LIMA1: variants seen among roughly 807,000 people sequenced by gnomAD.
LIMA1 encodes the protein LIM domain and actin-binding protein 1.
In LIMA1, 52 loss-of-function variants were observed where a neutral mutation model predicts 62.6. That is an observed-to-expected ratio of 0.83 (90% CI 0.67 to 1.05). LIMA1 has a LOEUF of 1.05. Ranked by LOEUF, LIMA1 falls within the 50% of genes least tolerant of loss-of-function variation. LIMA1 has a pLI of 0.00. For synonymous variants in LIMA1, 302 were observed against 317.8 expected (o/e 0.95, Z 0.53); for missense variants, 780 against 902.2 (o/e 0.86, Z 1.74).
At chr12:50,190,650 G>A (rs563288727) in intron 9 of LIMA1, among the ~76,000 whole-genome samples, 1 of 139,618 alleles carries the variant, frequency 7.2e-6, no homozygotes, top group African/African-American at 2.6e-5. Flanking sequence ...AAAGTGCTGG[G>A]ATTACAGGCG....
intron 9 of LIMA1, chr12:50,186,971 C>T (rs1326588790): frequency 2.6e-5 from 4 of 152,184 alleles, no homozygotes; most frequent in Non-Finnish European, 5.9e-5. Flanking sequence ...TGAAATTAAT[C>T]CCACGACAGC....
intron 9 of LIMA1, chr12:50,186,531 C>T (rs1940634321): frequency 6.5e-6 from 1 of 152,680 alleles, no homozygotes; most frequent in Admixed American, 6.6e-5. Flanking sequence ...GATTATCCCT[C>T]ATAAAGGGGT....
At chr12:50,231,745 A>G in intron 2 of LIMA1, 35 bp from the exon 3 acceptor site, 1 of 1,590,540 alleles carries the variant, frequency 6.3e-7, no homozygotes, top group Non-Finnish European at 8.6e-7. Context: ...GTCTCAAATT[A>G]AACTTATATT....
In LIMA1 at chr12:50,201,619, G is replaced by A. The variant is rs148561571; in HGVS notation, c.865-735C>T. ...TACATCTAAAATCAACATAGAACCT[G>A]GGTGCAGTGGCTCACGCCTGTAATC... On this transcript the variant is annotated intron_variant, in intron 6 of 10. Transcript: ENST00000341247. 5.8e-4 allele frequency: 452 copies of A among 778,948 alleles called. 5 individuals carry two copies. The East Asian group carries it at 0.044, about 75-fold the overall frequency. 48.3% of individuals were successfully genotyped at this position (778,948 alleles called of 1,614,324 possible).
intron 1 of LIMA1, 61 bp from the exon 2 acceptor site, chr12:50,248,835 T>C (rs1941888263): frequency 2.3e-6 from 2 of 861,462 alleles, no homozygotes; most frequent in East Asian, 2.4e-5. Context: ...CATCCAAGGA[T>C]TGGCAGTGGT....
intron 5 of LIMA1, among the ~76,000 whole-genome samples, 193 bp downstream of exon 5, chr12:50,205,791 T>C (rs1235264726): frequency 1.7e-5 from 2 of 115,930 alleles, no homozygotes; most frequent in African/African-American, 3.5e-5. Flanking sequence ...TCAACTTCCG[T>C]CTCAAAAAAA....
At chr12:50,245,963 G>A (rs918642117) in intron 2 of LIMA1, among the ~76,000 whole-genome samples, 7 of 151,852 alleles carry the variant, frequency 4.6e-5, no homozygotes, top group African/African-American at 1.7e-4. Flanking sequence ...GCCGGGCGTG[G>A]TGGCTCACGC....
At chr12:50,246,661 A>G (rs1307427672) in intron 2 of LIMA1, among the ~76,000 whole-genome samples, 1 of 152,170 alleles carries the variant, frequency 6.6e-6, no homozygotes, top group Non-Finnish European at 1.5e-5. Flanking sequence ...ACCTTAGCAG[A>G]GCATCCGAGG....
At chr12:50,197,069 TTTGC>T (rs1486755334) in intron 7 of LIMA1, among the ~76,000 whole-genome samples, 1 of 145,120 alleles carries the variant, frequency 6.9e-6, no homozygotes, top group Non-Finnish European at 1.5e-5. Flanking sequence ...TGAGGTAATC[TTTGC>T]TTTTTTTTTT....
intron 1 of LIMA1, among the ~76,000 whole-genome samples, chr12:50,255,897 AT>A (rs535577778): frequency 4.0e-5 from 6 of 149,576 alleles, no homozygotes; most frequent in African/African-American, 4.9e-5. Context: ...ATAGTTATTT[AT>A]TTTTTTTTTG....
chr12:50,202,300 A>C (rs1941067637), intron 6 of LIMA1, among the ~76,000 whole-genome samples: 1 of 152,192 alleles, frequency 6.6e-6, no homozygotes, highest in Non-Finnish European at 1.5e-5. Context: ...GATGAGACAA[A>C]ATGTACTTTT....
At chr12:50,245,561 G>C (rs1238375470) in intron 2 of LIMA1, among the ~76,000 whole-genome samples, 1 of 151,840 alleles carries the variant, frequency 6.6e-6, no homozygotes, top group African/African-American at 2.4e-5. Context: ...ACATGTGTTA[G>C]AATCTTGTTG....
chr12:50,234,195 G>A (rs891894689), intron 2 of LIMA1: 3 of 424,792 alleles, frequency 7.1e-6, no homozygotes, highest in African/African-American at 4.3e-5. Context: ...CAAATCTCCA[G>A]ACCACCCAGA....
chr12:50,239,226 A>C (rs1264209057), intron 2 of LIMA1, among the ~76,000 whole-genome samples: 1 of 152,242 alleles, frequency 6.6e-6, no homozygotes, highest in African/African-American at 2.4e-5. Context: ...TTGAAAAAAA[A>C]GAACAGGGTA....
At chr12:50,194,948 T>C (rs1940896037) in intron 8 of LIMA1, among the ~76,000 whole-genome samples, 1 of 152,062 alleles carries the variant, frequency 6.6e-6, no homozygotes, top group Non-Finnish European at 1.5e-5. Flanking sequence ...CTCAGGAAGC[T>C]GAGACAGGAG....
Position 50,177,366 on chromosome 12 carries a change from C to G in LIMA1, c.1978G>C (p.Gly660Arg), listed in dbSNP as rs150669133. ...KTTWQNKESKGETGKRSKEGH... is the reference protein window; with the variant it reads ...KTTWQNKESKRETGKRSKEGH... ...TCCTTACTTCTCTTCCCTGTCTCTC[C>G]TTTAGATTCTTTGTTTTGCCAGGTT... The change falls in exon 11 of 11, where the codon GGA becomes CGA. Residue 660 changes from glycine to arginine, a missense_variant. By Grantham distance (125) the Gly-to-Arg change is moderately radical. Transcript: ENST00000341247. 8 of 1,614,200 alleles carry G rather than the reference C, an allele frequency of 5.0e-6. No individual in the cohort carries two copies. The African/African-American group carries it at 8.0e-5, about 16-fold the overall frequency.
intron 10 of LIMA1, among the ~76,000 whole-genome samples, chr12:50,181,112 CAAAAAAAAA>C (rs35433011): frequency 1.3e-4 from 9 of 71,106 alleles, no homozygotes; most frequent in African/African-American, 2.7e-4. Context: ...ACTCTGTATC[CAAAAAAAAA>C]AAAAAAAAAA....
intron 7 of LIMA1, among the ~76,000 whole-genome samples, chr12:50,196,598 T>C (rs1292918658): frequency 2.0e-5 from 3 of 152,208 alleles, no homozygotes; most frequent in Non-Finnish European, 4.4e-5. Context: ...CTTCCTGGTA[T>C]CTTACTCCAC....
At chr12:50,202,125 T>A (rs1309050719) in intron 6 of LIMA1, 1 of 152,072 alleles carries the variant, frequency 6.6e-6, no homozygotes, top group Non-Finnish European at 1.5e-5. Context: ...GCACCGGAGG[T>A]GCATCTGTGA....
Sources: gnomAD v4.1 joint callset for allele counts (sites outside exome capture counted in the v4.1 genomes callset) on GRCh38, gnomAD v4.1.1 for gene constraint, MANE v1.5 for transcripts, NCBI Gene and HGNC (gene_info 2026-07-23, HGNC 2026-07-21) for gene names.